FBN2: variants seen among roughly 807,000 people sequenced by gnomAD.
FBN2 encodes the protein fibrillin-2.
FBN2 carries 105 observed loss-of-function variants against 355.6 expected under a neutral mutation model. The observed-to-expected ratio is 0.30, with a 90% CI of 0.25 to 0.35. The LOEUF is 0.35. Among genes scored for constraint, FBN2 ranks in the 10% least tolerant of loss-of-function variants. FBN2 has a pLI of 1.00. For missense variants in FBN2, 3,280 were observed against 3,758.7 expected (o/e 0.87, Z 3.33); for synonymous variants, 1,350 against 1,301.2 (o/e 1.04, Z -0.81).
At chr5:128,521,585 A>C (rs538198860) in intron 4 of FBN2, among the ~76,000 whole-genome samples, 22 of 152,342 alleles carry the variant, frequency 1.4e-4, no homozygotes, top group Admixed American at 5.2e-4. Flanking sequence ...ATGCACTGCA[A>C]AATACTAAGT....
chr5:128,267,852 G>A (rs1019799115), intron 62 of FBN2, among the ~76,000 whole-genome samples: 2 of 152,092 alleles, frequency 1.3e-5, no homozygotes, highest in East Asian at 1.9e-4. Context: ...AACAGACAAC[G>A]TACCAGAATC....
At chr5:128,428,739 T>C (rs774973648) in intron 7 of FBN2, among the ~76,000 whole-genome samples, 1 of 152,212 alleles carries the variant, frequency 6.6e-6, no homozygotes, top group Non-Finnish European at 1.5e-5. Flanking sequence ...AAGATTTTGA[T>C]CTGTTTTGTT....
chr5:128,486,704 T>C (rs1032655746), intron 5 of FBN2, among the ~76,000 whole-genome samples: 2 of 152,124 alleles, frequency 1.3e-5, no homozygotes, highest in African/African-American at 4.8e-5. Context: ...ACATGTGCCA[T>C]GTTGGTTTGC....
chr5:128,342,792 G>A (rs866889812), intron 25 of FBN2, among the ~76,000 whole-genome samples: 3 of 151,508 alleles, frequency 2.0e-5, no homozygotes, highest in African/African-American at 4.8e-5. Flanking sequence ...GCAATAGCAC[G>A]ATCTCGGCTC....
chr5:128,503,387 A>G (rs1318072711), intron 5 of FBN2, among the ~76,000 whole-genome samples: 1 of 152,190 alleles, frequency 6.6e-6, no homozygotes. Context: ...GAAAATGTGG[A>G]AGAGACTATG....
intron 5 of FBN2, among the ~76,000 whole-genome samples, chr5:128,466,419 G>A (rs1437693672): frequency 6.6e-6 from 1 of 152,174 alleles, no homozygotes; most frequent in Non-Finnish European, 1.5e-5. Flanking sequence ...AGGAGGAAGA[G>A]TCAATAATGT....
Position 128,330,657 on chromosome 5 carries a change from T to C in FBN2, c.4261A>G (p.Ile1421Val), listed in dbSNP as rs863223607. The C allele has an allele frequency of 1.2e-6, 2 of 1,613,928 alleles. No individual in the cohort carries two copies. Among genetic ancestry groups the C allele is most frequent in the Non-Finnish European group, 1.7e-6 (2 of 1,179,828 alleles). Residue 1421 changes from isoleucine to valine, a missense_variant, in exon 33 of 65, where the codon ATC (isoleucine) becomes GTC (valine). Around this residue, in one of 6 missense-constraint regions of FBN2, gnomAD observed 2,284 missense variants for 2,749.5 expected, o/e 0.83. Coordinates refer to ENST00000262464, the MANE Select transcript of FBN2 (RefSeq NM_001999.4). The stretch of plus-strand genomic sequence containing the variant: ...GGGGTATTTACACACTGAGCATTGA[T>C]GCTACACTGGTGGGTTCCATTAGAA... The part of the protein sequence containing the change: ...ECSNGTHQCS[I>V]NAQCVNTPGS...
intron 8 of FBN2, among the ~76,000 whole-genome samples, chr5:128,400,303 G>A (rs993713158): frequency 3.3e-5 from 5 of 151,614 alleles, no homozygotes; most frequent in Admixed American, 6.6e-5. Flanking sequence ...ATTTTAAAAC[G>A]GTTCAATTCA....
intron 55 of FBN2, among the ~76,000 whole-genome samples, chr5:128,284,142 T>C (rs1749067945): frequency 1.3e-5 from 2 of 152,186 alleles, no homozygotes; most frequent in South Asian, 4.1e-4. Context: ...AAATAGGAAA[T>C]AACAACTAAT....
chr5:128,361,046 G>T (rs1751626434), intron 19 of FBN2, among the ~76,000 whole-genome samples: 1 of 152,140 alleles, frequency 6.6e-6, no homozygotes, highest in Non-Finnish European at 1.5e-5. Context: ...ACATAATTCA[G>T]TGTACTCACT....
intron 5 of FBN2, among the ~76,000 whole-genome samples, chr5:128,477,051 A>G (rs1755021705): frequency 6.6e-6 from 1 of 152,256 alleles, no homozygotes; most frequent in Non-Finnish European, 1.5e-5. Context: ...CAGTTTTAAA[A>G]TCTTACACCA....
intron 18 of FBN2, among the ~76,000 whole-genome samples, chr5:128,364,236 TCTCAACCTGTAACACTTTATTTTCTTGA>T (rs1422682989): frequency 6.6e-6 from 1 of 152,218 alleles, no homozygotes; most frequent in African/African-American, 2.4e-5. Context: ...GTTAAAATTC[TCTCAACCTGTAACACTTTATTTTCTTGA>T]CTTACTTTTA....
intron 34 of FBN2, among the ~76,000 whole-genome samples, chr5:128,319,476 TAATTTAGTTAATTAAATA>T (rs1750307740): frequency 6.6e-6 from 1 of 151,190 alleles, no homozygotes; most frequent in Non-Finnish European, 1.5e-5. Context: ...ACTTTTTAGT[TAATTTAGTTAATTAAATA>T]AATTTAGTTA....
At chr5:128,303,290 T>C (rs995126605) in intron 45 of FBN2, among the ~76,000 whole-genome samples, 1 of 152,070 alleles carries the variant, frequency 6.6e-6, no homozygotes, top group Non-Finnish European at 1.5e-5. Context: ...TCTAAGAAAA[T>C]AGTACAGTTT....
intron 6 of FBN2, among the ~76,000 whole-genome samples, chr5:128,456,016 A>AAAAAAAAAAAAAC (rs1561465958): frequency 6.8e-6 from 1 of 148,098 alleles, no homozygotes; most frequent in Non-Finnish European, 1.5e-5. Flanking sequence ...AAAAAAAAAA[A>AAAAAAAAAAAAAC]AAAAAAAGCA....
intron 11 of FBN2, among the ~76,000 whole-genome samples, chr5:128,389,393 T>A (rs1025796609): frequency 6.6e-6 from 1 of 152,166 alleles, no homozygotes; most frequent in African/African-American, 2.4e-5. Flanking sequence ...GGAGCTATGG[T>A]GGTGACACCT....
At chr5:128,372,994 T>C (rs1581248165) in intron 15 of FBN2, among the ~76,000 whole-genome samples, 1 of 152,124 alleles carries the variant, frequency 6.6e-6, no homozygotes, top group African/African-American at 2.4e-5. Flanking sequence ...GAAGAAAACA[T>C]CTAGCATGTT....
intron 4 of FBN2, among the ~76,000 whole-genome samples, chr5:128,520,150 G>A (rs1264284368): frequency 6.6e-6 from 1 of 152,106 alleles, no homozygotes; most frequent in Non-Finnish European, 1.5e-5. Context: ...TGACCTGGGA[G>A]ACCAGGAGTT....
intron 39 of FBN2, 111 bp from the exon 40 acceptor site, chr5:128,310,219 A>C (rs1749996050): frequency 1.1e-6 from 1 of 906,498 alleles, no homozygotes; most frequent in Non-Finnish European, 1.7e-6. Flanking sequence ...CCATTTATGC[A>C]AAACTTAGAA....
Sources: gnomAD v4.1 joint callset for allele counts (sites outside exome capture counted in the v4.1 genomes callset) on GRCh38, gnomAD v4.1.1 for gene constraint, gnomAD v4.1.1 regional missense constraint, MANE v1.5 for transcripts, NCBI Gene and HGNC (gene_info 2026-07-23, HGNC 2026-07-21) for gene names.